Variants in TAFA4 observed in about 807,000 individuals in gnomAD.
TAFA4 encodes the protein chemokine-like protein TAFA-4.
TAFA4 carries 20 observed loss-of-function variants against 21.1 expected under a neutral mutation model. The observed-to-expected ratio is 0.95, with a 90% CI of 0.67 to 1.38. TAFA4 has a LOEUF of 1.38. Ranked by LOEUF, TAFA4 falls within the 40% of genes most tolerant of loss-of-function variation. TAFA4 has a pLI of 0.00. For synonymous variants in TAFA4, 71 were observed against 67.4 expected, an observed-to-expected ratio of 1.05 and a Z score of -0.26; for missense variants, 211 against 180.9, an observed-to-expected ratio of 1.17 and a Z score of -0.95.
chr3:68,779,184 G>C (rs1187333937), intron 3 of TAFA4, among the ~76,000 whole-genome samples: 1 of 152,178 alleles, frequency 6.6e-6, no homozygotes, highest in Non-Finnish European at 1.5e-5. Flanking sequence ...GTATCTACTG[G>C]AAGAAATTTC....
chr3:68,821,834 T>C (rs1704119249), intron 3 of TAFA4, among the ~76,000 whole-genome samples: 1 of 152,178 alleles, frequency 6.6e-6, no homozygotes, highest in South Asian at 2.1e-4. Context: ...GAGAAAATAT[T>C]GACATATTTA....
intron 3 of TAFA4, among the ~76,000 whole-genome samples, chr3:68,813,478 C>G (rs776906119): frequency 1.3e-5 from 2 of 151,900 alleles, no homozygotes; most frequent in Admixed American, 1.3e-4. Context: ...AAAATGATAA[C>G]AGGATACCAC....
chr3:68,756,175 A>C (rs1012307525), intron 3 of TAFA4, among the ~76,000 whole-genome samples: 2 of 152,218 alleles, frequency 1.3e-5, no homozygotes, highest in Non-Finnish European at 2.9e-5. Context: ...GATTTGGGGT[A>C]ATTTGTTACA....
chr3:68,741,842 A>T (rs548664429), intron 4 of TAFA4, among the ~76,000 whole-genome samples: 353 of 152,320 alleles, frequency 2.3e-3, no homozygotes, highest in African/African-American at 8.3e-3. Flanking sequence ...CTTCCAAAGA[A>T]TCGAAGAAGA....
chr3:68,789,410 A>T (rs940992931), intron 3 of TAFA4, among the ~76,000 whole-genome samples: 16 of 152,042 alleles, frequency 1.1e-4, no homozygotes, highest in Admixed American at 7.2e-4. Flanking sequence ...TAGATCTTAA[A>T]TATTCTTACC....
chr3:68,911,053 C>T (rs1303135299), intron 1 of TAFA4, among the ~76,000 whole-genome samples: 1 of 152,190 alleles, frequency 6.6e-6, no homozygotes, highest in Admixed American at 6.5e-5. Flanking sequence ...TTTTTCTCTT[C>T]TGCTGAATTT....
intron 3 of TAFA4, among the ~76,000 whole-genome samples, chr3:68,825,766 A>G (rs1019113888): frequency 3.0e-4 from 46 of 152,310 alleles, no homozygotes; most frequent in African/African-American, 9.9e-4. Context: ...CAAATCTGTG[A>G]CCATTCTGCC....
intron 3 of TAFA4, among the ~76,000 whole-genome samples, chr3:68,799,232 A>G (rs1703520589): frequency 6.6e-6 from 1 of 152,208 alleles, no homozygotes; most frequent in African/African-American, 2.4e-5. Context: ...TATAAACAAC[A>G]AACATTTATT....
chr3:68,784,826 C>G (rs962390044), intron 3 of TAFA4, among the ~76,000 whole-genome samples: 1 of 152,158 alleles, frequency 6.6e-6, no homozygotes, highest in South Asian at 2.1e-4. Flanking sequence ...TTTACAACCC[C>G]TGAGCTAGAC....
intron 1 of TAFA4, among the ~76,000 whole-genome samples, chr3:68,900,996 G>GC (rs887772088): frequency 6.6e-6 from 1 of 152,204 alleles, no homozygotes; most frequent in Non-Finnish European, 1.5e-5. Flanking sequence ...TTCAAGCCAA[G>GC]CCAAGGGAAC....
chr3:68,921,440 C>A (rs2090060558), intron 1 of TAFA4, among the ~76,000 whole-genome samples: 1 of 152,084 alleles, frequency 6.6e-6, no homozygotes, highest in Admixed American at 6.6e-5. Flanking sequence ...AACTTTTAAT[C>A]TTTTTAGACA....
chr3:68,837,433 A>C (rs1704550099), intron 3 of TAFA4, among the ~76,000 whole-genome samples: 1 of 152,220 alleles, frequency 6.6e-6, no homozygotes. Context: ...CAATATGGTC[A>C]ATTTCAACCC....
chr3:68,913,284 AT>A (rs34698690), intron 1 of TAFA4, among the ~76,000 whole-genome samples: 35,697 of 151,888 alleles, frequency 0.24, 4,734 homozygotes, highest in African/African-American at 0.34. Context: ...AAGAGCTAAC[AT>A]TTTTTTGCCC....
Position 68,739,070 on chromosome 3 carries a change from C to T in TAFA4, c.411+5G>A. The T allele has an allele frequency of 6.2e-7, 1 of 1,613,310 alleles. No individual in the cohort carries two copies. The highest frequency in any genetic ancestry group is 1.1e-5 in the South Asian group (1 of 90,914). On this transcript the variant is annotated splice_donor_5th_base_variant and intron_variant, in intron 5 of 5. Transcript: ENST00000295569. ...AAATTGTAGTTGCATTTTGTCTATACTTGCCTTCGTAGTTTTGACTTTATT... is the reference window on the plus strand; with the variant it reads ...AAATTGTAGTTGCATTTTGTCTATATTTGCCTTCGTAGTTTTGACTTTATT...
chr3:68,862,450 T>C (rs1173336225), intron 3 of TAFA4, among the ~76,000 whole-genome samples: 1 of 152,146 alleles, frequency 6.6e-6, no homozygotes, highest in Non-Finnish European at 1.5e-5. Context: ...GCATACCACA[T>C]AATGGTTCTC....
At chr3:68,737,195 A>G (rs943440309) in intron 5 of TAFA4, among the ~76,000 whole-genome samples, 2 of 152,170 alleles carry the variant, frequency 1.3e-5, no homozygotes, top group Non-Finnish European at 2.9e-5. Flanking sequence ...ACACTGATGG[A>G]TGTAATACCC....
chr3:68,744,081 T>C (rs1702407534), intron 4 of TAFA4, among the ~76,000 whole-genome samples: 3 of 152,228 alleles, frequency 2.0e-5, no homozygotes, highest in Admixed American at 2.0e-4. Context: ...GAGCTGAATT[T>C]AAAATACTTT....
chr3:68,846,010 G>A (rs1026053291), intron 3 of TAFA4, among the ~76,000 whole-genome samples: 21 of 152,086 alleles, frequency 1.4e-4, no homozygotes, highest in African/African-American at 5.1e-4. Flanking sequence ...TGGTCGTCTT[G>A]AGGAGTATCT....
At chr3:68,755,686 C>T (rs917963848) in intron 3 of TAFA4, among the ~76,000 whole-genome samples, 1 of 152,204 alleles carries the variant, frequency 6.6e-6, no homozygotes, top group Non-Finnish European at 1.5e-5. Flanking sequence ...ATCACTCACT[C>T]AGGGGAAACC....
Sources: allele counts gnomAD v4.1 joint callset (sites outside exome capture counted in the v4.1 genomes callset), GRCh38; gene constraint gnomAD v4.1.1; transcripts MANE v1.5; gene names NCBI Gene and HGNC (gene_info 2026-07-23, HGNC 2026-07-21).